Variants in ERBB4 observed in about 807,000 individuals in gnomAD.
ERBB4 encodes the protein erb-b2 receptor tyrosine kinase 4.
Under a neutral mutation model 158.0 loss-of-function variants are expected in ERBB4, and 42 were observed. That is an observed-to-expected ratio of 0.27 (90% CI 0.21 to 0.34). The LOEUF is 0.34. ERBB4 is among the 10% of genes least tolerant of loss of function. The pLI is 1.00. For missense variants in ERBB4, 1,333 were observed against 1,624.1 expected (o/e 0.82, Z 3.08); for synonymous variants, 583 against 558.7 (o/e 1.04, Z -0.61).
At position 212,114,670 on chromosome 2, in the gene ERBB4, C is replaced by T. The variant is rs531336010; in HGVS notation, c.234+10082G>A. The stretch of plus-strand genomic sequence containing the variant: ...AGTTTTTGATGAATACTTCTCATTG[C>T]TTCTGCGAAATGATGTTGAAACAAC... On this transcript the variant is annotated intron_variant, in intron 2 of 27. Transcript: ENST00000342788. Among the ~76,000 whole-genome samples, 13 of 152,244 alleles carry T rather than the reference C, an allele frequency of 8.5e-5. No individual in the cohort carries two copies. The East Asian group carries it at 2.5e-3, about 29-fold the overall frequency.
chr2:211,882,478 A>G (rs145934126), intron 3 of ERBB4, among the ~76,000 whole-genome samples: 1 of 152,326 alleles, frequency 6.6e-6, no homozygotes, highest in East Asian at 1.9e-4. Context: ...AAATATAAAT[A>G]TGACTGCTTG....
In ERBB4 at chr2:211,662,362, A is replaced by C. The variant is rs182664979; in HGVS notation, c.1871+2961T>G. Among the ~76,000 whole-genome samples the C allele has an allele frequency of 1.6e-3, 240 of 152,302 alleles. 1 individual carries two copies. The highest frequency in any genetic ancestry group is 2.9e-3 in the Non-Finnish European group (197 of 68,022). ...AAAAAAATTCTATCTTGCTAATTTC[A>C]AATCTGAACATCATTCCTAAGTTTT... is the stretch of plus-strand genomic sequence containing the variant. On this transcript the variant is annotated intron_variant, in intron 15 of 27. Coordinates refer to ENST00000342788, the MANE Select transcript of ERBB4 (RefSeq NM_005235.3).
intron 27 of ERBB4, among the ~76,000 whole-genome samples, chr2:211,386,063 A>T (rs2125316291): frequency 6.6e-6 from 1 of 152,344 alleles, no homozygotes; most frequent in Non-Finnish European, 1.5e-5. Flanking sequence ...TCAGAGTCTT[A>T]AAATGTAGTT....
In ERBB4 at chr2:211,713,497, G is replaced by C. The variant is rs746443336; in HGVS notation, c.997+38C>G. Reference sequence around the variant, plus strand: ...AGTGAATTAAAAACCTTGTTATATAGGCCCAGTTCTAACTAAATAATCTGA... The same window carrying C: ...AGTGAATTAAAAACCTTGTTATATACGCCCAGTTCTAACTAAATAATCTGA... On this transcript the variant is annotated intron_variant, in intron 8 of 27. Transcript: ENST00000342788. The C allele has an allele frequency of 3.2e-6, 4 of 1,243,942 alleles. No individual in the cohort carries two copies. The South Asian group carries it at 4.8e-5, about 15-fold the overall frequency. The allele number at this position is 1,243,942 out of a possible 1,614,324, so 77.1% of individuals were successfully genotyped here.
chr2:211,961,053 T>A lies in ERBB4; in HGVS notation c.235-13437A>T, dbSNP rs968841970. 5.3e-5 allele frequency among the ~76,000 whole-genome samples: 8 copies of A among 152,180 alleles called. 1 individual carries two copies. The highest frequency in any genetic ancestry group is 5.2e-4 in the Admixed American group (8 of 15,264). ...ACAATTTTTCTGTGAACCTAAAACT[T>A]CCCTAAAAATAATATTTATTTTTAA... On this transcript the variant is annotated intron_variant, in intron 2 of 27. Transcript: ENST00000342788.
intron 1 of ERBB4, among the ~76,000 whole-genome samples, chr2:212,526,830 T>C (rs1434657441): frequency 1.3e-5 from 2 of 152,078 alleles, no homozygotes; most frequent in African/African-American, 4.8e-5. Flanking sequence ...CCCACCTATA[T>C]TTATGGGTGT....
intron 25 of ERBB4, among the ~76,000 whole-genome samples, chr2:211,405,899 C>T (rs567346596): frequency 3.2e-3 from 483 of 152,182 alleles, no homozygotes; most frequent in Non-Finnish European, 5.0e-3. Context: ...TTAATAGTAA[C>T]GTTAACGTCT....
intron 19 of ERBB4, among the ~76,000 whole-genome samples, chr2:211,609,853 A>G (rs2069126070): frequency 6.6e-6 from 1 of 152,224 alleles, no homozygotes; most frequent in South Asian, 2.1e-4. Context: ...AGGTAAATAA[A>G]AACAGACCTA....
chr2:211,376,787 A>G lies in ERBB4; in HGVS notation c.*6828T>C, dbSNP rs76939287. ...TCTCATTTTCATTTGATCTTCTTGTAATGGTGCTCAAGAAAGAGATGAACT... is the reference window on the plus strand; with the variant it reads ...TCTCATTTTCATTTGATCTTCTTGTGATGGTGCTCAAGAAAGAGATGAACT... On this transcript the variant is annotated 3_prime_UTR_variant, in exon 28 of 28. Transcript: ENST00000342788. 4,930 of 233,026 alleles carry G rather than the reference A, an allele frequency of 0.021. 233 individuals carry two copies. The highest frequency in any genetic ancestry group is 0.099 in the African/African-American group (4,492 of 45,348). 14.4% of individuals were successfully genotyped at this position (233,026 alleles called of 1,614,324 possible). A position where few individuals can be genotyped will look rare whatever the true frequency, so the allele number is the denominator to read the frequency against.
chr2:211,734,750 C>A (rs538275905), intron 5 of ERBB4, among the ~76,000 whole-genome samples: 1 of 151,066 alleles, frequency 6.6e-6, no homozygotes, highest in East Asian at 2.0e-4. Flanking sequence ...GAAACCCCAT[C>A]TCTACTGAAA....
At chr2:211,786,593 GC>G (rs2076169841) in intron 4 of ERBB4, among the ~76,000 whole-genome samples, 1 of 152,192 alleles carries the variant, frequency 6.6e-6, no homozygotes, top group African/African-American at 2.4e-5. Flanking sequence ...TGAAAGTGCA[GC>G]AAACCCCTCA....
At chr2:211,959,329 T>A (rs2081115835) in intron 2 of ERBB4, among the ~76,000 whole-genome samples, 1 of 152,130 alleles carries the variant, frequency 6.6e-6, no homozygotes, top group Non-Finnish European at 1.5e-5. Context: ...AAGAAAATGA[T>A]GGCTTGCCAA....
chr2:211,596,638 C>G (rs1474018696), intron 19 of ERBB4, among the ~76,000 whole-genome samples: 2 of 152,148 alleles, frequency 1.3e-5, no homozygotes, highest in African/African-American at 4.8e-5. Flanking sequence ...AGACCTTTCT[C>G]TAGGTCCTAG....
intron 20 of ERBB4, among the ~76,000 whole-genome samples, chr2:211,510,461 T>C (rs1383507185): frequency 6.6e-6 from 1 of 152,060 alleles, no homozygotes; most frequent in Non-Finnish European, 1.5e-5. Context: ...GTCCCCTGAA[T>C]CTAAATTTCT....
intron 20 of ERBB4, among the ~76,000 whole-genome samples, chr2:211,524,523 G>A (rs901821649): frequency 4.6e-5 from 7 of 151,950 alleles, no homozygotes; most frequent in African/African-American, 9.7e-5. Context: ...GCCCTGCCCC[G>A]TGGGAAGGCA....
intron 19 of ERBB4, among the ~76,000 whole-genome samples, chr2:211,590,270 G>A (rs1216163527): frequency 2.0e-5 from 3 of 152,186 alleles, no homozygotes; most frequent in Non-Finnish European, 2.9e-5. Context: ...GAGGAACTTA[G>A]TTTATAGTTT....
chr2:211,914,519 C>T (rs1229233576), intron 3 of ERBB4, among the ~76,000 whole-genome samples: 1 of 152,030 alleles, frequency 6.6e-6, no homozygotes, highest in African/African-American at 2.4e-5. Context: ...ATAACTACAA[C>T]ACAAGACAAT....
intron 25 of ERBB4, among the ~76,000 whole-genome samples, chr2:211,390,301 T>C (rs886939448): frequency 1.8e-4 from 28 of 152,350 alleles, no homozygotes; most frequent in South Asian, 1.2e-3. Context: ...GAATTTGCAC[T>C]ATCAATTATA....
Position 211,378,259 on chromosome 2 carries a change from T to G in ERBB4, c.*5356A>C, listed in dbSNP as rs2062513511. ...CAAAGAGTATTTTCCAGAGGAAGCA[T>G]GTGAATACCCCCCGTGAAATTGGGG... is the stretch of plus-strand genomic sequence containing the variant. On this transcript the variant is annotated 3_prime_UTR_variant, in exon 28 of 28. Transcript: ENST00000342788. The G allele has an allele frequency of 4.3e-6, 1 of 232,788 alleles. No individual in the cohort carries two copies. The highest frequency in any genetic ancestry group is 2.2e-5 in the African/African-American group (1 of 45,298). 14.4% of individuals were successfully genotyped at this position (232,788 alleles called of 1,614,324 possible).
Sources: gnomAD v4.1 joint callset for allele counts (sites outside exome capture counted in the v4.1 genomes callset) on GRCh38, gnomAD v4.1.1 for gene constraint, MANE v1.5 for transcripts, NCBI Gene and HGNC (gene_info 2026-07-23, HGNC 2026-07-21) for gene names.